HPR: variants seen among roughly 807,000 people sequenced by gnomAD.
HPR encodes the protein Haptoglobin-related locus.
In HPR, 17 loss-of-function variants were observed where a neutral mutation model predicts 18.5. The ratio of observed to expected loss-of-function variants is 0.92; its 90% confidence interval spans 0.63 to 1.38. HPR has a LOEUF of 1.38. HPR is among the 40% of genes most tolerant of loss of function. HPR has a pLI of 0.00. For missense variants in HPR, 457 were observed against 432.4 expected (o/e 1.06, Z -0.51); for synonymous variants, 176 against 165.0 (o/e 1.07, Z -0.51).
At chr16:72,066,844 C>T (rs2041603352) in intron 1 of HPR, among the ~76,000 whole-genome samples, 1 of 152,130 alleles carries the variant, frequency 6.6e-6, no homozygotes, top group African/African-American at 2.4e-5. Context: ...GAAGTCAAAA[C>T]CAATGTTATC....
chr16:72,073,397 T>C (rs1441845511), intron 1 of HPR, among the ~76,000 whole-genome samples: 1 of 152,254 alleles, frequency 6.6e-6, no homozygotes. Flanking sequence ...TAAGGAATCT[T>C]TGATTATGGA....
intron 1 of HPR, among the ~76,000 whole-genome samples, chr16:72,067,487 G>A (rs908660927): frequency 8.5e-5 from 13 of 152,170 alleles, no homozygotes; most frequent in African/African-American, 2.9e-4. Context: ...TTAAAGTTAG[G>A]CATAGGCCTA....
intron 1 of HPR, among the ~76,000 whole-genome samples, chr16:72,068,498 G>C (rs567824992): frequency 6.6e-6 from 1 of 152,254 alleles, no homozygotes; most frequent in East Asian, 1.9e-4. Context: ...CTTCTAAAGA[G>C]GTCGATCAGG....
At position 72,074,369 on chromosome 16, in the gene HPR, G is replaced by T; in HGVS notation, c.177G>T (p.Leu59=). 6.2e-7 allele frequency: 1 copy of T among 1,612,826 alleles called. No homozygotes were observed. The highest frequency in any genetic ancestry group is 8.5e-7 in the Non-Finnish European group (1 of 1,178,854). Residue 59 remains leucine, a synonymous_variant, in exon 3 of 5, where the codon CTG becomes CTT. Transcript: ENST00000540303. The stretch of plus-strand genomic sequence containing the variant: ...ACCAGTGTAAGAACTACTACAGACT[G>T]CGCACAGAAGGAGATGGTAAGACCT... ...FRYQCKNYYR[L]RTEGDGVYTL... is the part of the protein sequence containing the mutation.
chr16:72,068,342 C>T (rs2041619224), intron 1 of HPR, among the ~76,000 whole-genome samples: 3 of 152,118 alleles, frequency 2.0e-5, no homozygotes, highest in South Asian at 2.1e-4. Flanking sequence ...GAATCGTGTC[C>T]TTACCCTTGC....
chr16:72,066,763 C>T lies in HPR; in HGVS notation c.5+3503C>T, dbSNP rs188775994. 4.6e-5 allele frequency among the ~76,000 whole-genome samples: 7 copies of T among 152,242 alleles called. No individual in the cohort carries two copies. In the South Asian group the frequency reaches 1.0e-3, roughly 23 times the overall value. On this transcript the variant is annotated intron_variant, in intron 1 of 4. Transcript: ENST00000540303. The stretch of plus-strand genomic sequence containing the variant: ...ACAAAAATTGGAGGACTGAGAAAAC[C>T]GACCTCTAAGAGAACTTCTCAGAGA...
Position 72,063,274 on chromosome 16 carries a change from T to C in HPR, c.5+14T>C, listed in dbSNP as rs372122150. ...AACCAAGATGAGGTGGGTCCACAGCTTTCCCTCCTGCCTTTCCTCTGGTTC... is the reference window on the plus strand; with the variant it reads ...AACCAAGATGAGGTGGGTCCACAGCCTTCCCTCCTGCCTTTCCTCTGGTTC... On this transcript the variant is annotated intron_variant, in intron 1 of 4. Transcript: ENST00000540303. 8.8e-6 allele frequency: 14 copies of C among 1,589,468 alleles called. No individual in the cohort carries two copies. In the African/African-American group the frequency reaches 1.8e-4, roughly 20 times the overall value.
rs767054447 is a variant in HPR at position 72,074,328 on chromosome 16, G to A, written c.136G>A (p.Glu46Lys). ...CCCTGAGATTGCAAATGGCTATGTGGAGCACTTGTTTCGCTACCAGTGTAA... is the reference window on the plus strand; with the variant it reads ...CCCTGAGATTGCAAATGGCTATGTGAAGCACTTGTTTCGCTACCAGTGTAA... ...KPPEIANGYV[E>K]HLFRYQCKNY... is the part of the protein sequence containing the mutation. The change falls in exon 3 of 5, where the codon GAG becomes AAG. Residue 46 changes from glutamate to lysine, a missense_variant. Coordinates refer to ENST00000540303, the MANE Select transcript of HPR (RefSeq NM_020995.4). 5.0e-6 allele frequency: 8 copies of A among 1,613,962 alleles called. No homozygotes were observed. The South Asian group carries it at 7.7e-5, about 16-fold the overall frequency.
chr16:72,074,407 CTG>C, intron 3 of HPR, 22 bp downstream of exon 3: 1 of 1,557,808 alleles, frequency 6.4e-7, no homozygotes, highest in Non-Finnish European at 8.9e-7. Context: ...ACAACTATCT[CTG>C]TGCTCTACCT....
intron 2 of HPR, 49 bp downstream of exon 2, chr16:72,074,026 C>A: frequency 6.2e-7 from 1 of 1,608,688 alleles, no homozygotes; most frequent in Non-Finnish European, 8.5e-7. Context: ...ACTGCCACAT[C>A]CCACTCTGAC....
At position 72,076,884 on chromosome 16, in the gene HPR, G is replaced by C; in HGVS notation, c.850G>C (p.Gly284Arg). Residue 284 changes from glycine to arginine, a missense_variant, in exon 5 of 5, where the codon GGC becomes CGC. Transcript: ENST00000540303. ...PILNEHTFCV[G>R]MSKYQEDTCY... ...ACTGAACGAACACACCTTCTGTGTC[G>C]GCATGTCTAAGTACCAGGAAGACAC... The C allele has an allele frequency of 6.2e-7, 1 of 1,614,190 alleles. No homozygotes were observed. Among genetic ancestry groups the C allele is most frequent in the Non-Finnish European group, 8.5e-7 (1 of 1,180,030 alleles).
chr16:72,063,792 GGAGT>G (rs771906258), intron 1 of HPR, among the ~76,000 whole-genome samples: 1 of 152,076 alleles, frequency 6.6e-6, no homozygotes, highest in East Asian at 1.9e-4. Context: ...TCACCAGGAT[GGAGT>G]GAGTGGCGCG....
At chr16:72,067,563 T>G (rs1421898848) in intron 1 of HPR, among the ~76,000 whole-genome samples, 1 of 152,168 alleles carries the variant, frequency 6.6e-6, no homozygotes, top group Non-Finnish European at 1.5e-5. Context: ...AGAAATACAT[T>G]CATCCTGATG....
chr16:72,066,021 G>A (rs2041594355), intron 1 of HPR, among the ~76,000 whole-genome samples: 1 of 152,166 alleles, frequency 6.6e-6, no homozygotes, highest in African/African-American at 2.4e-5. Flanking sequence ...CCAAGAGCCT[G>A]TTCATTGCCA....
intron 3 of HPR, among the ~76,000 whole-genome samples, chr16:72,074,905 T>C (rs1408910154): frequency 6.6e-6 from 1 of 152,216 alleles, no homozygotes; most frequent in Non-Finnish European, 1.5e-5. Context: ...CTCCCTGTAC[T>C]GCCTGGCTGT....
intron 1 of HPR, among the ~76,000 whole-genome samples, chr16:72,068,283 C>T (rs1437833345): frequency 4.6e-5 from 7 of 152,140 alleles, no homozygotes; most frequent in African/African-American, 7.2e-5. Flanking sequence ...ATATTTAGGC[C>T]GCTTAATAAG....
At chr16:72,066,250 A>G (rs2041596364) in intron 1 of HPR, among the ~76,000 whole-genome samples, 1 of 152,204 alleles carries the variant, frequency 6.6e-6, no homozygotes, top group South Asian at 2.1e-4. Context: ...CCACTGCTAG[A>G]TGACCCCTAT....
chr16:72,075,246 G>A (rs1465256460), intron 4 of HPR, 27 bp downstream of exon 4: 1 of 1,316,068 alleles, frequency 7.6e-7, no homozygotes, highest in African/African-American at 1.4e-5. Context: ...GAGCACTTAA[G>A]AGAGCAGGCA....
intron 4 of HPR, among the ~76,000 whole-genome samples, chr16:72,075,691 G>T (rs1308096637): frequency 2.6e-5 from 4 of 152,224 alleles, no homozygotes; most frequent in Non-Finnish European, 4.4e-5. Flanking sequence ...CTTCTGCTGT[G>T]AGTGGTGTGG....
Sources: gnomAD v4.1 joint callset for allele counts (sites outside exome capture counted in the v4.1 genomes callset) on GRCh38, gnomAD v4.1.1 for gene constraint, MANE v1.5 for transcripts, NCBI Gene and HGNC (gene_info 2026-07-23, HGNC 2026-07-21) for gene names.